The following SIL1 variants were observed in gnomAD, a reference collection of about 807,000 sequenced individuals.
SIL1 encodes SIL1 nucleotide exchange factor, also known as nucleotide exchange factor SIL1.
SIL1 carries 40 observed loss-of-function variants against 49.1 expected under a neutral mutation model. That is an observed-to-expected ratio of 0.81 (90% confidence interval 0.63 to 1.06). SIL1 has a LOEUF of 1.06. Among genes scored for constraint, SIL1 ranks in the 50% least tolerant of loss-of-function variants. SIL1 has a pLI of 0.00. For missense variants in SIL1, 500 were observed against 572.6 expected (o/e 0.87, Z 1.29); for synonymous variants, 253 against 250.8 (o/e 1.01, Z -0.08).
chr5:139,082,995 CTT>C (rs1177466391), intron 3 of SIL1, among the ~76,000 whole-genome samples: 4 of 152,244 alleles, frequency 2.6e-5, no homozygotes, highest in Non-Finnish European at 5.9e-5. Flanking sequence ...AAGCAGCAGT[CTT>C]TGAGCATGGG....
chr5:139,037,208 A>T (rs1277804964), intron 5 of SIL1, among the ~76,000 whole-genome samples: 6 of 151,952 alleles, frequency 3.9e-5, no homozygotes, highest in Non-Finnish European at 8.8e-5. Flanking sequence ...ATATCGCTCA[A>T]TCATTGTTCC....
chr5:139,047,314 C>T (rs1011352647), intron 4 of SIL1, among the ~76,000 whole-genome samples: 1 of 152,250 alleles, frequency 6.6e-6, no homozygotes, highest in Non-Finnish European at 1.5e-5. Flanking sequence ...TAAGGGCCAA[C>T]TACATGCAAT....
At chr5:139,056,945 G>T (rs1297003771) in intron 3 of SIL1, among the ~76,000 whole-genome samples, 2 of 152,086 alleles carry the variant, frequency 1.3e-5, no homozygotes, top group Non-Finnish European at 2.9e-5. Flanking sequence ...AAGTAGACAT[G>T]GGAGACTTTT....
chr5:139,162,200 T>C (rs749632684), intron 1 of SIL1, among the ~76,000 whole-genome samples: 3 of 152,106 alleles, frequency 2.0e-5, no homozygotes, highest in Non-Finnish European at 4.4e-5. Context: ...CCCTCTGACC[T>C]CTCCATGTCT....
chr5:139,180,560 A>C (rs895700041), intron 1 of SIL1, among the ~76,000 whole-genome samples: 4 of 152,052 alleles, frequency 2.6e-5, no homozygotes, highest in Non-Finnish European at 4.4e-5. Flanking sequence ...TCTGGCAAAG[A>C]AAAGTCTGTC....
intron 7 of SIL1, among the ~76,000 whole-genome samples, chr5:138,987,363 C>T (rs548437511): frequency 6.6e-6 from 1 of 151,954 alleles, no homozygotes; most frequent in Admixed American, 6.6e-5. Flanking sequence ...TCTACCCACT[C>T]GGCCTCCCAC....
At chr5:139,130,036 T>C (rs1338424829) in intron 1 of SIL1, among the ~76,000 whole-genome samples, 1 of 152,180 alleles carries the variant, frequency 6.6e-6, no homozygotes, top group Non-Finnish European at 1.5e-5. Context: ...AAAAGACAAG[T>C]ATCCCAATTT....
rs1766668815 is a variant in SIL1 at position 138,947,760 on chromosome 5, C to T, written c.1030-287G>A. Among the ~76,000 whole-genome samples, 1 of 152,200 alleles carries T rather than the reference C, an allele frequency of 6.6e-6. No individual in the cohort carries two copies. Among genetic ancestry groups the T allele is most frequent in the South Asian group, 2.1e-4 (1 of 4,834 alleles). Reference sequence around the variant, plus strand: ...GCAGGAGAATAAAAATTAACTAATTCCCAAATAGCATAAATGTAATCTAAC... The same window carrying T: ...GCAGGAGAATAAAAATTAACTAATTTCCAAATAGCATAAATGTAATCTAAC... On this transcript the variant is annotated intron_variant, in intron 9 of 9. Coordinates refer to ENST00000394817, the MANE Select transcript of SIL1 (RefSeq NM_022464.5). This position sits in a 1 kb window ranked among gnomAD's most constrained non-coding sequence, Gnocchi z 4.1.
At position 139,156,400 on chromosome 5, in the gene SIL1, T is replaced by TAA. The variant is rs553781309; in HGVS notation, c.-10-28549_-10-28548dup. ...CTAGAACCTATAAATGTTACCTTAT[T>TAA]AAAAAAAAAAGAAGCCAGGTGTGAT... is the stretch of plus-strand genomic sequence containing the variant. On this transcript the variant is annotated intron_variant, in intron 1 of 9. Coordinates refer to ENST00000394817, the MANE Select transcript of SIL1 (RefSeq NM_022464.5). Among the ~76,000 whole-genome samples, 572 of 117,708 alleles carry TAA rather than the reference T, an allele frequency of 4.9e-3. 3 individuals are homozygous for TAA. Among genetic ancestry groups the TAA allele is most frequent in the Non-Finnish European group, 7.8e-3 (388 of 49,432 alleles). The allele number at this position is 117,708 out of a possible 152,430, so 77.2% of individuals were successfully genotyped here.
intron 3 of SIL1, among the ~76,000 whole-genome samples, chr5:139,060,588 T>G (rs11949916): frequency 0.25 from 38,630 of 151,792 alleles, 5,929 homozygotes; most frequent in Middle Eastern, 0.38. Context: ...CACCTCTCCA[T>G]TCTACCAATC....
Position 139,192,074 on chromosome 5 carries a change from C to CAAAA in SIL1, c.-11+6191_-11+6194dup, listed in dbSNP as rs10700186. ...TGGGCAACAGAGCAAGATGCTGTCTCAAAAAAAAAAAAAAAAAAAAAAATC... is the reference window on the plus strand; with the variant it reads ...TGGGCAACAGAGCAAGATGCTGTCTCAAAAAAAAAAAAAAAAAAAAAAAAAAATC... On this transcript the variant is annotated intron_variant, in intron 1 of 9. Coordinates refer to ENST00000394817, the MANE Select transcript of SIL1 (RefSeq NM_022464.5). 1.0e-4 allele frequency among the ~76,000 whole-genome samples: 7 copies of CAAAA among 67,206 alleles called. 1 individual carries two copies. Among genetic ancestry groups the CAAAA allele is most frequent in the East Asian group, 1.0e-3 (2 of 1,966 alleles). 44.1% of individuals were successfully genotyped at this position (67,206 alleles called of 152,430 possible).
rs1237374954 is a variant in SIL1 at position 139,042,664 on chromosome 5, T to C, written c.409A>G (p.Lys137Glu). Residue 137 changes from lysine to glutamate, a missense_variant, in exon 5 of 10, where the codon AAA becomes GAA. Lys to Glu is a moderately conservative substitution (Grantham distance 56, BLOSUM62 1). Transcript: ENST00000394817. The part of the protein sequence containing the change: ...TSQDLKSALA[K>E]FKEGAEMESS... ...TCCATCTCTGCCCCCTCCTTGAATT[T>C]TGCCAGTGCACTCTTGAGATCCTGA... 1 of 1,614,202 alleles carries C rather than the reference T, an allele frequency of 6.2e-7. No individual in the cohort carries two copies.
intron 3 of SIL1, among the ~76,000 whole-genome samples, chr5:139,107,508 G>A (rs543247364): frequency 1.5e-4 from 23 of 152,178 alleles, no homozygotes; most frequent in African/African-American, 5.3e-4. Context: ...TTATACAACA[G>A]TAGTAACTAA....
intron 1 of SIL1, among the ~76,000 whole-genome samples, chr5:139,176,738 C>T (rs1751891163): frequency 6.6e-6 from 1 of 151,886 alleles, no homozygotes; most frequent in Non-Finnish European, 1.5e-5. Flanking sequence ...GGGTGGAGCC[C>T]TCATGACCTA....
intron 7 of SIL1, among the ~76,000 whole-genome samples, chr5:138,966,640 G>A (rs745922172): frequency 6.6e-6 from 1 of 152,044 alleles, no homozygotes; most frequent in Admixed American, 6.5e-5. Flanking sequence ...CAAAAAACCC[G>A]CAGCCCCTCA....
chr5:139,155,818 A>G (rs564919709), intron 1 of SIL1, among the ~76,000 whole-genome samples: 1 of 151,066 alleles, frequency 6.6e-6, no homozygotes, highest in Non-Finnish European at 1.5e-5. Context: ...CATGAGGGGG[A>G]ACTGTCCCAG....
At chr5:139,050,435 C>T (rs78336561) in intron 4 of SIL1, among the ~76,000 whole-genome samples, 1,751 of 152,268 alleles carry the variant, frequency 0.011, 33 homozygotes, top group African/African-American at 0.04. Context: ...AATAAGGCAA[C>T]CTCTAGCCAG....
intron 1 of SIL1, among the ~76,000 whole-genome samples, chr5:139,156,581 C>A (rs1231369285): frequency 6.6e-6 from 1 of 152,118 alleles, no homozygotes; most frequent in Non-Finnish European, 1.5e-5. Context: ...CCTGGATTAT[C>A]AGCATAGGCC....
At chr5:139,167,727 T>C (rs984192577) in intron 1 of SIL1, among the ~76,000 whole-genome samples, 1 of 152,352 alleles carries the variant, frequency 6.6e-6, no homozygotes. Context: ...TCTACAGTAG[T>C]ATACAGTAAC....
Sources: gnomAD v4.1 joint callset for allele counts (sites outside exome capture counted in the v4.1 genomes callset) on GRCh38, gnomAD v4.1.1 for gene constraint, Gnocchi (gnomAD v3.1) non-coding constraint, MANE v1.5 for transcripts, NCBI Gene and HGNC (gene_info 2026-07-23, HGNC 2026-07-21) for gene names.